GPD2: variants seen among roughly 807,000 people sequenced by gnomAD.
The protein encoded by GPD2 is glycerol-3-phosphate dehydrogenase 2, also known as glycerol-3-phosphate dehydrogenase, mitochondrial.
Under a neutral mutation model 82.4 loss-of-function variants are expected in GPD2, and 54 were observed. That is an observed-to-expected ratio of 0.66 (90% CI 0.53 to 0.82). The LOEUF (loss-of-function observed/expected upper bound fraction) is 0.82, where lower values mean the gene tolerates loss of function less well. GPD2 is among the 40% of genes least tolerant of loss of function. The pLI is 0.00. For missense variants in GPD2, 748 were observed against 896.2 expected, an observed-to-expected ratio of 0.83 and a Z score of 2.11; for synonymous variants, 288 against 306.1, an observed-to-expected ratio of 0.94 and a Z score of 0.62.
chr2:156,513,584 C>T, intron 6 of GPD2, 88 bp downstream of exon 6: 1 of 1,036,306 alleles, frequency 9.6e-7, no homozygotes, highest in Non-Finnish European at 1.5e-6. Context: ...GATAGTTTTG[C>T]ATCTTTAAAT....
chr2:156,525,552 G>A (rs527782443), intron 6 of GPD2, among the ~76,000 whole-genome samples: 1 of 152,290 alleles, frequency 6.6e-6, no homozygotes, highest in Admixed American at 6.5e-5. Context: ...AGAAAAACAT[G>A]TTGAGTTTTT....
chr2:156,420,415 C>T, the GPD2 span, among the ~76,000 whole-genome samples: 1 of 152,186 alleles, frequency 6.6e-6, no homozygotes, highest in Non-Finnish European at 1.5e-5. Context: ...TCATGATCAG[C>T]TCGCCTTGAC....
chr2:156,473,769 G>A lies in GPD2; in HGVS notation c.-8-2329G>A, dbSNP rs146648284. On this transcript the variant is annotated intron_variant, in intron 1 of 16. Transcript: ENST00000438166. Reference sequence around the variant, plus strand: ...TTGTGTGATAGGCACCCATGTGAATGTTTACAACAGTACATTGATTGGTGA... The same window carrying A: ...TTGTGTGATAGGCACCCATGTGAATATTTACAACAGTACATTGATTGGTGA... 2.6e-5 allele frequency: 4 copies of A among 152,214 alleles called. No individual in the cohort carries two copies. The East Asian group carries it at 7.7e-4, about 29-fold the overall frequency. 9.4% of individuals were successfully genotyped at this position (152,214 alleles called of 1,614,324 possible).
In GPD2 at chr2:156,550,807, GTTTA is replaced by G. The variant is rs557805326; in HGVS notation, c.971+65_971+68del. Reference sequence around the variant, plus strand: ...AAAGAGGGTCAGCAGAGATTGTCTGGTTTATTTCTTCTTCTAGCATAGCAATAGA... The same window carrying G: ...AAAGAGGGTCAGCAGAGATTGTCTGGTTTCTTCTTCTAGCATAGCAATAGA... On this transcript the variant is annotated intron_variant, in intron 8 of 16. Transcript: ENST00000438166. 3.3e-3 allele frequency: 4,635 copies of G among 1,385,296 alleles called. 19 individuals carry two copies. The highest frequency in any genetic ancestry group is 3.3e-3 in the Non-Finnish European group (3,186 of 976,172). The allele number at this position is 1,385,296 out of a possible 1,614,324, so 85.8% of individuals were successfully genotyped here.
chr2:156,512,324 C>T lies in GPD2; in HGVS notation c.497+7C>T, dbSNP rs745596992. On this transcript the variant is annotated splice_region_variant and intron_variant, in intron 5 of 16. Coordinates refer to ENST00000438166, the MANE Select transcript of GPD2 (RefSeq NM_000408.5). The stretch of plus-strand genomic sequence containing the variant: ...TAATGCTTCCAGTTTACAAGTAAGC[C>T]TTTTGATATCACCTGTATGCATTTG... The T allele has an allele frequency of 3.0e-6, 4 of 1,335,428 alleles. No homozygotes were observed. The allele number at this position is 1,335,428 out of a possible 1,614,324, so 82.7% of individuals were successfully genotyped here.
chr2:156,583,124 T>C lies in GPD2; in HGVS notation c.*206T>C. The C allele has an allele frequency of 1.7e-6, 1 of 575,150 alleles. No individual in the cohort carries two copies. Among genetic ancestry groups the C allele is most frequent in the South Asian group, 2.0e-5 (1 of 50,050 alleles). 35.6% of individuals were successfully genotyped at this position (575,150 alleles called of 1,614,324 possible). On this transcript the variant is annotated 3_prime_UTR_variant, in exon 17 of 17. Coordinates refer to ENST00000438166, the MANE Select transcript of GPD2 (RefSeq NM_000408.5). ...TTGTATTTGCCATTCAGTCTAGCTT[T>C]TAAGTATATTTTTTTCTTTTTCTCA... is the stretch of plus-strand genomic sequence containing the variant.
At chr2:156,432,650 T>C (rs1688330825), upstream of GPD2, among the ~76,000 whole-genome samples, 1 of 152,240 alleles carries the variant, frequency 6.6e-6, no homozygotes, top group Admixed American at 6.5e-5. Flanking sequence ...TTTGAAAATA[T>C]GCTCTAAATA....
intron 13 of GPD2, among the ~76,000 whole-genome samples, chr2:156,577,488 G>GA (rs541307058): frequency 2.4e-4 from 35 of 148,666 alleles, no homozygotes; most frequent in Middle Eastern, 3.5e-3. Context: ...CACTGTCTCA[G>GA]AAAAAAAAAA....
chr2:156,410,034 A>C, the GPD2 span, among the ~76,000 whole-genome samples: 2 of 152,218 alleles, frequency 1.3e-5, no homozygotes, highest in African/African-American at 4.8e-5. Context: ...CAACAGAGCA[A>C]TATCCCATCT....
At position 156,548,594 on chromosome 2, in the gene GPD2, A is replaced by G. The variant is rs571711806; in HGVS notation, c.662-1014A>G. On this transcript the variant is annotated intron_variant, in intron 6 of 16. Coordinates refer to ENST00000438166, the MANE Select transcript of GPD2 (RefSeq NM_000408.5). ...AACAGATTACTTCTGTAGTGCTGCT[A>G]GCCCTGCACAGACTGAATCACAAGG... is the stretch of plus-strand genomic sequence containing the variant. Among the ~76,000 whole-genome samples the G allele has an allele frequency of 3.3e-5, 5 of 152,336 alleles. No homozygotes were observed. In the South Asian group the frequency reaches 1.0e-3, roughly 32 times the overall value.
chr2:156,542,113 A>T (rs1686345387), intron 6 of GPD2, among the ~76,000 whole-genome samples: 1 of 152,122 alleles, frequency 6.6e-6, no homozygotes, highest in Admixed American at 6.5e-5. Flanking sequence ...ACTTAAATAT[A>T]TCATGTTAAG....
At chr2:156,572,341 A>G (rs1260648207) in intron 13 of GPD2, among the ~76,000 whole-genome samples, 2 of 152,080 alleles carry the variant, frequency 1.3e-5, no homozygotes, top group Non-Finnish European at 2.9e-5. Flanking sequence ...AAATTATTTT[A>G]TTTTTAATTT....
intron 9 of GPD2, among the ~76,000 whole-genome samples, chr2:156,561,293 G>A (rs13385778): frequency 0.27 from 40,857 of 151,550 alleles, 5,961 homozygotes; most frequent in East Asian, 0.58. Context: ...TGATCCACCC[G>A]CCTTGGCCTC....
chr2:156,522,602 T>C (rs1195371879), intron 6 of GPD2, among the ~76,000 whole-genome samples: 1 of 152,184 alleles, frequency 6.6e-6, no homozygotes, highest in Non-Finnish European at 1.5e-5. Context: ...ATTGTACATA[T>C]ATGCCATATA....
At chr2:156,491,668 T>C (rs1684178977) in intron 2 of GPD2, among the ~76,000 whole-genome samples, 1 of 152,162 alleles carries the variant, frequency 6.6e-6, no homozygotes, top group African/African-American at 2.4e-5. Context: ...AGATTTTCAT[T>C]TCTTTTGGGT....
intron 9 of GPD2, among the ~76,000 whole-genome samples, chr2:156,562,627 G>T (rs189652974): frequency 8.6e-5 from 13 of 151,822 alleles, no homozygotes; most frequent in African/African-American, 2.7e-4. Context: ...AAGCTAAACC[G>T]CACATTTACC....
rs1386098814 is a variant in GPD2, at chr2:156,586,280, G to A, written c.*3362G>A. On this transcript the variant is annotated 3_prime_UTR_variant, in exon 17 of 17. Transcript: ENST00000438166. ...GACACAAAAGTGAAATATCTACAGA[G>A]ATAGATGTAATTTTATAAGACTGCC... is the stretch of plus-strand genomic sequence containing the variant. 6.6e-6 allele frequency: 1 copy of A among 152,302 alleles called. No individual in the cohort carries two copies. The highest frequency in any genetic ancestry group is 1.9e-4 in the East Asian group (1 of 5,180). 9.4% of individuals were successfully genotyped at this position (152,302 alleles called of 1,614,324 possible).
chr2:156,531,279 G>A (rs1685848044), intron 6 of GPD2, among the ~76,000 whole-genome samples: 1 of 152,036 alleles, frequency 6.6e-6, no homozygotes, highest in African/African-American at 2.4e-5. Context: ...GTTGGGAAGG[G>A]GGATTTCTGC....
chr2:156,576,796 A>G (rs1687838008), intron 13 of GPD2, among the ~76,000 whole-genome samples: 1 of 152,234 alleles, frequency 6.6e-6, no homozygotes, highest in Admixed American at 6.5e-5. Flanking sequence ...ATGAAGGGCC[A>G]TAAGTCGAGA....
Sources: allele counts gnomAD v4.1 joint callset (sites outside exome capture counted in the v4.1 genomes callset), GRCh38; gene constraint gnomAD v4.1.1; transcripts MANE v1.5; gene names NCBI Gene and HGNC (gene_info 2026-07-23, HGNC 2026-07-21).